Variants in GHR observed in about 807,000 individuals in gnomAD.
The protein encoded by GHR is growth hormone receptor, also known as GH receptor.
A neutral mutation model predicts 67.1 loss-of-function variants in GHR; 35 were observed. The ratio of observed to expected loss-of-function variants is 0.52; its 90% CI spans 0.40 to 0.69. The LOEUF is 0.69. Among genes scored for constraint, GHR ranks in the 30% least tolerant of loss-of-function variants. The probability of loss-of-function intolerance (pLI) is 0.00; values close to 1 mark genes in which losing one functional copy is unlikely to be tolerated. For missense variants in GHR, 792 were observed against 764.6 expected (o/e 1.04, Z -0.42); for synonymous variants, 272 against 269.1 (o/e 1.01, Z -0.10).
In GHR at chr5:42,546,924, A is replaced by T. The variant is rs548580165; in HGVS notation, c.-11-18940A>T. On this transcript the variant is annotated intron_variant, in intron 1 of 9. Coordinates refer to ENST00000230882, the MANE Select transcript of GHR (RefSeq NM_000163.5). ...AACAGGGGCAGAGGAGGAAGAAAAG[A>T]CATCCAGATAACTCCTAGGTTTCTG... Among the ~76,000 whole-genome samples the T allele has an allele frequency of 2.6e-5, 4 of 152,334 alleles. No homozygotes were observed. The South Asian group carries it at 8.3e-4, about 32-fold the overall frequency.
chr5:42,636,233 A>T (rs1035197983), intron 3 of GHR, among the ~76,000 whole-genome samples: 1 of 150,716 alleles, frequency 6.6e-6, no homozygotes, highest in Admixed American at 6.6e-5. Context: ...AAAAAAAAAA[A>T]TTAGAGCCTA....
intron 1 of GHR, among the ~76,000 whole-genome samples, chr5:42,460,683 A>G (rs1381624202): frequency 2.6e-5 from 4 of 152,212 alleles, no homozygotes; most frequent in Non-Finnish European, 5.9e-5. Flanking sequence ...TGCAAACACC[A>G]TCCATCAACC....
chr5:42,485,508 G>A (rs1745512810), intron 1 of GHR, among the ~76,000 whole-genome samples: 1 of 152,146 alleles, frequency 6.6e-6, no homozygotes, highest in African/African-American at 2.4e-5. Context: ...TGAGAAAAAT[G>A]AGCTCTGAAG....
chr5:42,686,746 C>T (rs1757168182), intron 3 of GHR, among the ~76,000 whole-genome samples: 2 of 152,166 alleles, frequency 1.3e-5, no homozygotes, highest in Admixed American at 1.3e-4. Context: ...AAGCTAGAAG[C>T]ATTCCCTTTG....
At chr5:42,437,889 A>G (rs906084229) in intron 1 of GHR, among the ~76,000 whole-genome samples, 2 of 151,722 alleles carry the variant, frequency 1.3e-5, no homozygotes, top group Non-Finnish European at 2.9e-5. Flanking sequence ...AAAAGCAAAC[A>G]AAAATGTTTA....
rs927979679 is a variant in GHR at position 42,720,957 on chromosome 5, T to A, written c.*1533T>A. The A allele has an allele frequency of 6.6e-6, 1 of 152,290 alleles. No homozygotes were observed. Among genetic ancestry groups the A allele is most frequent in the African/African-American group, 2.4e-5 (1 of 41,442 alleles). 9.4% of individuals were successfully genotyped at this position (152,290 alleles called of 1,614,324 possible). A position where few individuals can be genotyped will look rare whatever the true frequency, so the allele number is the denominator to read the frequency against. Reference sequence around the variant, plus strand: ...TGTTGTTGTTGAGACAGAGTCTCGCTCTGTCGCCAGGCTAGAGTGCGGTGG... The same window carrying A: ...TGTTGTTGTTGAGACAGAGTCTCGCACTGTCGCCAGGCTAGAGTGCGGTGG... On this transcript the variant is annotated 3_prime_UTR_variant, in exon 10 of 10. Transcript: ENST00000230882.
chr5:42,716,343 G>C (rs527967202), intron 8 of GHR, among the ~76,000 whole-genome samples: 1 of 152,290 alleles, frequency 6.6e-6, no homozygotes, highest in Admixed American at 6.5e-5. Flanking sequence ...GCCTCCCTGG[G>C]AGTCATAAGG....
At chr5:42,527,111 TC>T (rs1579872720) in intron 1 of GHR, among the ~76,000 whole-genome samples, 1 of 152,094 alleles carries the variant, frequency 6.6e-6, no homozygotes, top group East Asian at 1.9e-4. Context: ...ACAGCTACCA[TC>T]TAATACTAAA....
intron 6 of GHR, among the ~76,000 whole-genome samples, chr5:42,704,645 C>CGGTG (rs1758089334): frequency 6.6e-6 from 1 of 151,928 alleles, no homozygotes; most frequent in Non-Finnish European, 1.5e-5. Context: ...GTGAAGCTTC[C>CGGTG]AGTGAAACTG....
At chr5:42,465,418 A>G in intron 1 of GHR, 6 of 1,537,700 alleles carry the variant, frequency 3.9e-6, no homozygotes, top group Non-Finnish European at 5.4e-6. Flanking sequence ...CCCAGTCCTT[A>G]TTTTGAATAG....
Position 42,607,765 on chromosome 5 carries a change from T to C in GHR, c.71-21273T>C, listed in dbSNP as rs139054656. On this transcript the variant is annotated intron_variant, in intron 2 of 9. Coordinates refer to ENST00000230882, the MANE Select transcript of GHR (RefSeq NM_000163.5). ...GAGGGCCATTCCAGTATCCAAGTAA[T>C]GACAGATAGAGGCACAGGGCATGTA... Among the ~76,000 whole-genome samples the C allele has an allele frequency of 6.3e-3, 961 of 152,272 alleles. 4 individuals are homozygous for C. Among genetic ancestry groups the C allele is most frequent in the Middle Eastern group, 0.017 (5 of 294 alleles).
rs576751945 is a variant in GHR at position 42,553,249 on chromosome 5, A to C, written c.-11-12615A>C. On this transcript the variant is annotated intron_variant, in intron 1 of 9. Coordinates refer to ENST00000230882, the MANE Select transcript of GHR (RefSeq NM_000163.5). ...GCTTAGAGTTTGCAAGGCAGAAATC[A>C]GTGTTGTTAGGGCCTCTAGGGATGA... is the stretch of plus-strand genomic sequence containing the variant. Among the ~76,000 whole-genome samples, 9 of 152,316 alleles carry C rather than the reference A, an allele frequency of 5.9e-5. No homozygotes were observed. In the South Asian group the frequency reaches 1.7e-3, roughly 28 times the overall value.
chr5:42,674,916 A>C (rs1288939163), intron 3 of GHR, among the ~76,000 whole-genome samples: 1 of 152,116 alleles, frequency 6.6e-6, no homozygotes, highest in African/African-American at 2.4e-5. Flanking sequence ...CATTTTGAGG[A>C]ACCCCCAAAT....
chr5:42,432,718 G>C (rs1353188000), intron 1 of GHR, among the ~76,000 whole-genome samples: 1 of 152,094 alleles, frequency 6.6e-6, no homozygotes, highest in Non-Finnish European at 1.5e-5. Context: ...AATAGATAAA[G>C]GAAAGGCATC....
intron 3 of GHR, among the ~76,000 whole-genome samples, chr5:42,650,899 C>T (rs1474236479): frequency 6.6e-6 from 1 of 152,086 alleles, no homozygotes; most frequent in African/African-American, 2.4e-5. Flanking sequence ...CAGCTATAAA[C>T]TCCAAGGTGA....
chr5:42,562,896 G>T (rs1233725978), intron 1 of GHR, among the ~76,000 whole-genome samples: 2 of 152,074 alleles, frequency 1.3e-5, no homozygotes, highest in Non-Finnish European at 2.9e-5. Context: ...CGATCTGCCT[G>T]CCTCGGCCCC....
At chr5:42,672,120 A>G (rs1439673908) in intron 3 of GHR, among the ~76,000 whole-genome samples, 1 of 152,132 alleles carries the variant, frequency 6.6e-6, no homozygotes, top group Non-Finnish European at 1.5e-5. Context: ...TGTATTCATG[A>G]CAGTACTTGA....
intron 3 of GHR, among the ~76,000 whole-genome samples, chr5:42,676,118 C>T (rs1268888667): frequency 2.0e-5 from 3 of 152,186 alleles, no homozygotes; most frequent in South Asian, 4.2e-4. Flanking sequence ...AACCCAGTCT[C>T]TACTAAAAAT....
At chr5:42,630,775 G>A (rs1753892608) in intron 3 of GHR, among the ~76,000 whole-genome samples, 1 of 132,046 alleles carries the variant, frequency 7.6e-6, no homozygotes, top group East Asian at 2.0e-4. Context: ...TTGAAAATGT[G>A]TTACTAATGG....
Sources: allele counts gnomAD v4.1 joint callset (sites outside exome capture counted in the v4.1 genomes callset), GRCh38; gene constraint gnomAD v4.1.1; transcripts MANE v1.5; gene names NCBI Gene and HGNC (gene_info 2026-07-23, HGNC 2026-07-21).